Variants in RPA3 observed in about 807,000 individuals in gnomAD.
RPA3 encodes the protein replication protein A3, also known as replication protein A 14 kDa subunit.
Under a neutral mutation model 13.7 loss-of-function variants are expected in RPA3, and 24 were observed. The observed-to-expected ratio is 1.75, with a 90% CI of 1.27 to 2.46. The LOEUF is 2.46. Ranked by LOEUF, RPA3 falls within the 30% of genes most tolerant of loss-of-function variation. The pLI is 0.00. For missense variants in RPA3, 183 were observed against 151.0 expected, an observed-to-expected ratio of 1.21 and a Z score of -1.11; for synonymous variants, 59 against 51.2, an observed-to-expected ratio of 1.15 and a Z score of -0.65.
At chr7:7,656,794 T>C (rs1785354487) in intron 4 of RPA3, among the ~76,000 whole-genome samples, 1 of 152,212 alleles carries the variant, frequency 6.6e-6, no homozygotes, top group African/African-American at 2.4e-5. Context: ...TGTGTCTTTA[T>C]GGTAGAATGA....
In RPA3 at chr7:7,637,125, G is replaced by A. The variant is rs551188481; in HGVS notation, c.284-43C>T. 1,136 of 1,277,964 alleles carry A rather than the reference G, an allele frequency of 8.9e-4. 24 individuals carry two copies. The South Asian group carries it at 0.013, about 15-fold the overall frequency. The allele number at this position is 1,277,964 out of a possible 1,614,324, so 79.2% of individuals were successfully genotyped here. ...GCAAACATTTAATCTACAATGGAAA[G>A]TTGTAACATCAATTATTATCTAAGA... On this transcript the variant is annotated intron_variant, in intron 7 of 7. Coordinates refer to ENST00000223129, the MANE Select transcript of RPA3 (RefSeq NM_002947.5).
intron 6 of RPA3, 70 bp from the exon 7 acceptor site, chr7:7,638,042 T>G: frequency 9.0e-7 from 1 of 1,107,596 alleles, no homozygotes; most frequent in Non-Finnish European, 1.4e-6. Flanking sequence ...TGGAAAACTG[T>G]TATACAGGTT....
At chr7:7,705,751 A>T (rs919588825) in intron 2 of RPA3, among the ~76,000 whole-genome samples, 1 of 152,188 alleles carries the variant, frequency 6.6e-6, no homozygotes, top group East Asian at 1.9e-4. Flanking sequence ...AACTCATAGA[A>T]TATAAAATAA....
chr7:7,638,391 CATAA>C (rs1297881260), intron 6 of RPA3: 2 of 152,938 alleles, frequency 1.3e-5, no homozygotes, highest in Non-Finnish European at 2.9e-5. Flanking sequence ...AAAATGCAAA[CATAA>C]ATAAGTAAAA....
intron 2 of RPA3, among the ~76,000 whole-genome samples, chr7:7,712,452 C>CT: frequency 6.6e-6 from 1 of 152,062 alleles, no homozygotes; most frequent in Non-Finnish European, 1.5e-5. Context: ...TCTTAGAGTG[C>CT]TTTTTTGTTT....
intron 2 of RPA3, among the ~76,000 whole-genome samples, chr7:7,711,628 A>G (rs1453402440): frequency 6.6e-6 from 1 of 152,066 alleles, no homozygotes; most frequent in Admixed American, 6.6e-5. Flanking sequence ...ATTTATGTTT[A>G]ATAGTCATAT....
intron 2 of RPA3, among the ~76,000 whole-genome samples, chr7:7,688,162 A>AT (rs1253081927): frequency 6.6e-6 from 1 of 152,214 alleles, no homozygotes; most frequent in Non-Finnish European, 1.5e-5. Flanking sequence ...CATTCCCTGC[A>AT]TTACATCAGA....
At chr7:7,686,485 G>T (rs1439028912) in intron 3 of RPA3, among the ~76,000 whole-genome samples, 1 of 152,114 alleles carries the variant, frequency 6.6e-6, no homozygotes, top group Non-Finnish European at 1.5e-5. Flanking sequence ...GTTTCAGCAA[G>T]ATTGAGAATT....
At chr7:7,642,974 T>C (rs1039238536) in intron 4 of RPA3, among the ~76,000 whole-genome samples, 18 of 152,330 alleles carry the variant, frequency 1.2e-4, no homozygotes, top group African/African-American at 3.1e-4. Flanking sequence ...TTTGTTTGTT[T>C]TTGAGATTCA....
intron 4 of RPA3, among the ~76,000 whole-genome samples, chr7:7,672,914 G>C (rs556526070): frequency 1.1e-4 from 16 of 152,310 alleles, no homozygotes; most frequent in African/African-American, 3.9e-4. Context: ...GCTTAAGGTA[G>C]TCACAACATG....
intron 4 of RPA3, among the ~76,000 whole-genome samples, chr7:7,683,732 C>T (rs987813535): frequency 6.6e-6 from 1 of 152,066 alleles, no homozygotes; most frequent in Non-Finnish European, 1.5e-5. Flanking sequence ...AAGTGATTCT[C>T]CTGCCTCAGC....
At chr7:7,654,009 G>C (rs1239676366) in intron 4 of RPA3, among the ~76,000 whole-genome samples, 2 of 152,174 alleles carry the variant, frequency 1.3e-5, no homozygotes, top group African/African-American at 4.8e-5. Flanking sequence ...AGTAGATTGA[G>C]GGGAGACTTT....
intron 4 of RPA3, among the ~76,000 whole-genome samples, chr7:7,663,116 T>A (rs34972393): frequency 0.18 from 27,128 of 151,512 alleles, 2,630 homozygotes; most frequent in Middle Eastern, 0.23. Context: ...CCATGTATAA[T>A]GCTCTCAATC....
intron 5 of RPA3, 53 bp downstream of exon 5, chr7:7,640,267 G>T: frequency 1.3e-6 from 2 of 1,563,520 alleles, no homozygotes; most frequent in Non-Finnish European, 1.8e-6. Flanking sequence ...ATCCAGGCGG[G>T]GTCCCTCCCT....
At chr7:7,666,429 A>C (rs1163578955) in intron 4 of RPA3, among the ~76,000 whole-genome samples, 5 of 152,040 alleles carry the variant, frequency 3.3e-5, no homozygotes. Flanking sequence ...GCTGGTCATG[A>C]GCTCCTGGCC....
At chr7:7,641,765 CTG>C (rs1304752692) in intron 4 of RPA3, 13 of 152,310 alleles carry the variant, frequency 8.5e-5, no homozygotes, top group African/African-American at 2.6e-4. Context: ...GAAACTGAGT[CTG>C]TGAATTGGCC....
rs575826664 is a variant in RPA3, at chr7:7,640,950, G to T, written c.-532C>A. ...GTGCTGTGGGTGCTGCGTACCAGCTGTTCACTGCTGTCTCGCCTTCCCTCT... is the reference window on the plus strand; with the variant it reads ...GTGCTGTGGGTGCTGCGTACCAGCTTTTCACTGCTGTCTCGCCTTCCCTCT... On this transcript the variant is annotated 5_prime_UTR_variant, in exon 5 of 8. Transcript: ENST00000223129. 3.2e-5 allele frequency: 5 copies of T among 157,920 alleles called. No individual in the cohort carries two copies. The highest frequency in any genetic ancestry group is 6.4e-5 in the Admixed American group (1 of 15,558). 9.8% of individuals were successfully genotyped at this position (157,920 alleles called of 1,614,324 possible).
chr7:7,703,502 T>A (rs893636737), intron 2 of RPA3, among the ~76,000 whole-genome samples: 1 of 152,218 alleles, frequency 6.6e-6, no homozygotes, highest in Non-Finnish European at 1.5e-5. Flanking sequence ...TACACATAAT[T>A]TTATAAACAT....
chr7:7,677,216 A>G (rs144711411), intron 4 of RPA3, among the ~76,000 whole-genome samples: 1,547 of 152,290 alleles, frequency 0.01, 11 homozygotes, highest in Non-Finnish European at 0.018. Flanking sequence ...TAGGATATCT[A>G]TCACTTCAAG....
Sources: gnomAD v4.1 joint callset for allele counts (sites outside exome capture counted in the v4.1 genomes callset) on GRCh38, gnomAD v4.1.1 for gene constraint, MANE v1.5 for transcripts, NCBI Gene and HGNC (gene_info 2026-07-23, HGNC 2026-07-21) for gene names.